The following OCA2 variants were observed in gnomAD, a reference collection of about 807,000 sequenced individuals.
OCA2 encodes P protein.
In OCA2, 77 loss-of-function variants were observed where a neutral mutation model predicts 100.2. The ratio of observed to expected loss-of-function variants is 0.77; its 90% CI spans 0.64 to 0.93. OCA2 has a LOEUF of 0.93. Ranked by LOEUF, OCA2 falls within the 40% of genes least tolerant of loss-of-function variation. OCA2 has a pLI of 0.00. For missense variants in OCA2, 1,062 were observed against 1,089.1 expected (o/e 0.98, Z 0.35); for synonymous variants, 432 against 439.2 (o/e 0.98, Z 0.21).
At chr15:27,770,867 T>TC (rs2031732914) in intron 23 of OCA2, among the ~76,000 whole-genome samples, 1 of 122,336 alleles carries the variant, frequency 8.2e-6, no homozygotes, top group Non-Finnish European at 1.6e-5. Flanking sequence ...TCTTCCTTCC[T>TC]TCCCTCCTTC....
intron 11 of OCA2, among the ~76,000 whole-genome samples, chr15:27,988,552 C>G (rs1231533556): frequency 6.6e-6 from 1 of 152,074 alleles, no homozygotes; most frequent in Non-Finnish European, 1.5e-5. Flanking sequence ...AGGAGGGAGG[C>G]TCAGGAGAAA....
At chr15:27,727,303 C>T in the OCA2 span, among the ~76,000 whole-genome samples, 9 of 152,296 alleles carry the variant, frequency 5.9e-5, no homozygotes, top group African/African-American at 2.2e-4. Flanking sequence ...TAGGGCCTCA[C>T]AGGGCAGCAA....
the OCA2 span, among the ~76,000 whole-genome samples, chr15:27,743,039 C>A: frequency 1.3e-5 from 2 of 152,236 alleles, no homozygotes; most frequent in Admixed American, 6.5e-5. Flanking sequence ...GGTAGACATT[C>A]CGCAAGGCTC....
In OCA2 at chr15:28,070,412, G is replaced by A. The variant is rs1020760196; in HGVS notation, c.227+11236C>T. ...TGGGAAGTGAGGAGCCCCTCAGCCC[G>A]GCCAGCCACCCCGTCCGGGAGGGAG... is the stretch of plus-strand genomic sequence containing the variant. On this transcript the variant is annotated intron_variant, in intron 2 of 23. Transcript: ENST00000354638. Among the ~76,000 whole-genome samples the A allele has an allele frequency of 9.7e-5, 13 of 133,412 alleles. 1 individual carries two copies. In the South Asian group the frequency reaches 1.8e-3, roughly 19 times the overall value. 87.5% of individuals were successfully genotyped at this position (133,412 alleles called of 152,430 possible).
At chr15:28,077,850 G>C (rs2044482060) in intron 2 of OCA2, among the ~76,000 whole-genome samples, 1 of 152,196 alleles carries the variant, frequency 6.6e-6, no homozygotes, top group Non-Finnish European at 1.5e-5. Context: ...CGGAGACCGA[G>C]GCAGGTGGAT....
At chr15:27,883,372 G>A (rs113405117) in intron 19 of OCA2, among the ~76,000 whole-genome samples, 2,789 of 152,238 alleles carry the variant, frequency 0.018, 86 homozygotes, top group African/African-American at 0.063. Context: ...AGAGGGAGGC[G>A]TGAGCTTTAG....
the OCA2 span, among the ~76,000 whole-genome samples, chr15:27,741,732 A>T: frequency 1.3e-5 from 2 of 152,296 alleles, no homozygotes; most frequent in East Asian, 3.9e-4. Flanking sequence ...GGGAACAAAA[A>T]GATAAGGGAG....
At chr15:28,096,684 G>A (rs971304619) in intron 1 of OCA2, among the ~76,000 whole-genome samples, 7 of 152,204 alleles carry the variant, frequency 4.6e-5, no homozygotes, top group Non-Finnish European at 8.8e-5. Context: ...TTGGTTAAAA[G>A]CTTCTAGAAC....
intron 9 of OCA2, among the ~76,000 whole-genome samples, chr15:28,008,916 C>T (rs138076912): frequency 1.7e-3 from 259 of 152,344 alleles, no homozygotes; most frequent in African/African-American, 6.0e-3. Flanking sequence ...AGCAGTGGCA[C>T]AGCCTAAGCA....
intron 2 of OCA2, among the ~76,000 whole-genome samples, chr15:28,074,069 A>C (rs918365047): frequency 3.3e-5 from 5 of 152,176 alleles, no homozygotes; most frequent in African/African-American, 1.2e-4. Context: ...TACATAAATC[A>C]ACAAAATGAT....
At chr15:27,916,963 T>C (rs1003211109) in intron 19 of OCA2, among the ~76,000 whole-genome samples, 1 of 151,822 alleles carries the variant, frequency 6.6e-6, no homozygotes, top group Non-Finnish European at 1.5e-5. Flanking sequence ...CTTAGGTAGG[T>C]GTAAGATAGC....
intron 19 of OCA2, among the ~76,000 whole-genome samples, chr15:27,920,903 T>C (rs1016720614): frequency 6.6e-6 from 1 of 151,320 alleles, no homozygotes; most frequent in Admixed American, 6.6e-5. Context: ...GAAAAAAGAA[T>C]GAAGAAAAAT....
intron 18 of OCA2, among the ~76,000 whole-genome samples, chr15:27,931,804 C>T (rs2039261510): frequency 6.6e-6 from 1 of 152,170 alleles, no homozygotes; most frequent in African/African-American, 2.4e-5. Flanking sequence ...CCAAACTACC[C>T]TTTTGTCTCC....
chr15:27,896,200 G>A (rs766916790), intron 19 of OCA2: 23 of 914,414 alleles, frequency 2.5e-5, no homozygotes, highest in Non-Finnish European at 4.1e-5. Context: ...GTAGATAGAG[G>A]CTTGTCTATC....
chr15:28,045,464 T>G (rs1249582685), intron 2 of OCA2, among the ~76,000 whole-genome samples: 1 of 152,220 alleles, frequency 6.6e-6, no homozygotes, highest in African/African-American at 2.4e-5. Flanking sequence ...TTGATTATTT[T>G]TATTTCAATT....
chr15:28,088,114 T>C (rs974733278), intron 1 of OCA2, among the ~76,000 whole-genome samples: 3 of 152,088 alleles, frequency 2.0e-5, no homozygotes, highest in African/African-American at 7.2e-5. Context: ...AGATGCATCA[T>C]GTGCTGTTTT....
At chr15:27,946,796 T>C (rs2039854242) in intron 18 of OCA2, among the ~76,000 whole-genome samples, 1 of 152,230 alleles carries the variant, frequency 6.6e-6, no homozygotes, top group Non-Finnish European at 1.5e-5. Context: ...CCAGAATCCT[T>C]TTCTGCAAAG....
intron 21 of OCA2, among the ~76,000 whole-genome samples, chr15:27,868,614 G>A (rs565960101): frequency 6.6e-6 from 1 of 152,240 alleles, no homozygotes; most frequent in Non-Finnish European, 1.5e-5. Flanking sequence ...AGTTATCCCA[G>A]ATGGGTACAT....
At chr15:28,022,353 C>T (rs1041965403) in intron 6 of OCA2, 148 bp downstream of exon 6, 36 of 693,994 alleles carry the variant, frequency 5.2e-5, no homozygotes, top group Non-Finnish European at 8.4e-5. Context: ...GAGACTCCAT[C>T]TCTCATCAGA....
Sources: allele counts gnomAD v4.1 joint callset (sites outside exome capture counted in the v4.1 genomes callset), GRCh38; gene constraint gnomAD v4.1.1; transcripts MANE v1.5; gene names NCBI Gene and HGNC (gene_info 2026-07-23, HGNC 2026-07-21).